The following BDNF variants were observed in gnomAD, a reference collection of about 807,000 sequenced individuals.
The protein encoded by BDNF is neurotrophic factor BDNF precursor form.
A neutral mutation model predicts 19.5 loss-of-function variants in BDNF; 1 was observed. That is an observed-to-expected ratio of 0.05 (90% CI 0.02 to 0.24). BDNF has a LOEUF of 0.24. Among genes scored for constraint, BDNF ranks in the 10% least tolerant of loss-of-function variants. The pLI, the probability that BDNF is intolerant of heterozygous loss-of-function variation, is 1.00. For synonymous variants in BDNF, 100 were observed against 121.6 expected (o/e 0.82, Z 1.17); for missense variants, 195 against 317.6 (o/e 0.61, Z 2.93).
intron 1 of BDNF, chr11:27,699,608 A>C: frequency 6.8e-7 from 1 of 1,466,918 alleles, no homozygotes; most frequent in South Asian, 1.4e-5. Context: ...TCCAAGCTAC[A>C]TTGGCTTCGG....
At chr11:27,680,567 G>T (rs1478575500) in intron 1 of BDNF, among the ~76,000 whole-genome samples, 1 of 152,142 alleles carries the variant, frequency 6.6e-6, no homozygotes, top group Non-Finnish European at 1.5e-5. Flanking sequence ...TCTTTTCCAT[G>T]AGGGAAAAAC....
upstream of BDNF, among the ~76,000 whole-genome samples, chr11:27,702,708 T>G (rs565494977): frequency 3.3e-5 from 5 of 152,308 alleles, 1 homozygote; most frequent in South Asian, 1.0e-3. Flanking sequence ...GTTAGCAAAA[T>G]GAATTCACTA....
intron 1 of BDNF, chr11:27,660,220 C>T (rs1853235723): frequency 8.1e-7 from 1 of 1,236,074 alleles, no homozygotes; most frequent in Non-Finnish European, 1.0e-6. Flanking sequence ...CAAATGTTCT[C>T]CACTTTTGTA....
intron 1 of BDNF, among the ~76,000 whole-genome samples, chr11:27,678,897 A>G (rs947094200): frequency 1.3e-5 from 2 of 152,168 alleles, no homozygotes; most frequent in Non-Finnish European, 2.9e-5. Context: ...GTATCACAAC[A>G]TTAAACTAAG....
chr11:27,710,849 C>T (rs183267999), intron 1 of BDNF, among the ~76,000 whole-genome samples: 1 of 152,302 alleles, frequency 6.6e-6, no homozygotes. Context: ...CAGAAGTCAA[C>T]TAACTTGGAA....
chr11:27,673,574 A>G (rs751156546), intron 1 of BDNF, among the ~76,000 whole-genome samples: 8 of 152,118 alleles, frequency 5.3e-5, no homozygotes, highest in South Asian at 2.1e-4. Context: ...GAGAGCCAAC[A>G]CCCCACTAGA....
chr11:27,671,335 T>C (rs1306802594), intron 1 of BDNF, among the ~76,000 whole-genome samples: 4 of 151,662 alleles, frequency 2.6e-5, no homozygotes, highest in African/African-American at 4.8e-5. Context: ...GGAGAAATTA[T>C]CAAGTAAGCA....
At position 27,657,581 on chromosome 11, in the gene BDNF, CACA is replaced by C. The variant is rs1042597102; in HGVS notation, c.*237_*239del. On this transcript the variant is annotated 3_prime_UTR_variant, in exon 2 of 2. Transcript: ENST00000356660. This position sits in a 1 kb window ranked among gnomAD's most constrained non-coding sequence, Gnocchi z 5.0. The stretch of plus-strand genomic sequence containing the variant: ...TCAGTTCTTGGCAACGGCAACAAAC[CACA>C]ACATTATCAAGGAATGTAATGCAGA... 2 of 1,285,940 alleles carry C rather than the reference CACA, an allele frequency of 1.6e-6. No individual in the cohort carries two copies. The highest frequency in any genetic ancestry group is 3.0e-5 in the African/African-American group (2 of 66,812). The allele number at this position is 1,285,940 out of a possible 1,614,324, so 79.7% of individuals were successfully genotyped here.
At chr11:27,694,507 G>A (rs1459931045) in intron 1 of BDNF, among the ~76,000 whole-genome samples, 3 of 151,464 alleles carry the variant, frequency 2.0e-5, no homozygotes, top group African/African-American at 7.3e-5. Flanking sequence ...GTGGGCGCAT[G>A]CAAAAATGAA....
At chr11:27,715,538 G>A (rs996730193) in intron 1 of BDNF, among the ~76,000 whole-genome samples, 1 of 152,130 alleles carries the variant, frequency 6.6e-6, no homozygotes, top group African/African-American at 2.4e-5. Context: ...ACTGTCTTAG[G>A]AAGACTAGTT....
chr11:27,658,019 G>A lies in BDNF; in HGVS notation c.546C>T (p.Tyr182=), dbSNP rs74975314. Reference sequence around the variant, plus strand: ...AACCCATGGGATTGCACTTGGTCTCGTAGAAGTATTGCTTCAGTTGGCCTT... The same window carrying A: ...AACCCATGGGATTGCACTTGGTCTCATAGAAGTATTGCTTCAGTTGGCCTT... ...VSKGQLKQYF[Y]ETKCNPMGYT... is the part of the protein sequence containing the mutation. Residue 182 remains tyrosine, a synonymous_variant, in exon 2 of 2, where the codon TAC becomes TAT. Coordinates refer to ENST00000356660, the MANE Select transcript of BDNF (RefSeq NM_001709.5). This position sits in a 1 kb window ranked among gnomAD's most constrained non-coding sequence, Gnocchi z 5.7. 1.1e-4 allele frequency: 181 copies of A among 1,614,104 alleles called. No homozygotes were observed. The Admixed American group carries it at 2.1e-3, about 19-fold the overall frequency.
At position 27,657,123 on chromosome 11, in the gene BDNF, T is replaced by G; in HGVS notation, c.*698A>C. ...TTAATTTTTATTCACTTTCTAGTCA[T>G]CTGATCGATATTGCAAACATCTTCA... is the stretch of plus-strand genomic sequence containing the variant. On this transcript the variant is annotated 3_prime_UTR_variant, in exon 2 of 2. Transcript: ENST00000356660. This position sits in a 1 kb window ranked among gnomAD's most constrained non-coding sequence, Gnocchi z 5.0. 1 of 984,558 alleles carries G rather than the reference T, an allele frequency of 1.0e-6. No individual in the cohort carries two copies. Among genetic ancestry groups the G allele is most frequent in the South Asian group, 4.7e-5 (1 of 21,258 alleles). 61.0% of individuals were successfully genotyped at this position (984,558 alleles called of 1,614,324 possible).
At chr11:27,670,547 TAAAC>T (rs1855184332) in intron 1 of BDNF, among the ~76,000 whole-genome samples, 2 of 152,140 alleles carry the variant, frequency 1.3e-5, no homozygotes, top group African/African-American at 4.8e-5. Flanking sequence ...TAAAAGAACT[TAAAC>T]AAATTTACAA....
chr11:27,692,044 A>G (rs548740219), intron 1 of BDNF, among the ~76,000 whole-genome samples: 71 of 152,306 alleles, frequency 4.7e-4, no homozygotes, highest in Non-Finnish European at 9.7e-4. Context: ...AAAATAGCCA[A>G]TTTTGAGAAT....
chr11:27,720,529 C>G (rs1378998662), intron 1 of BDNF: 2 of 985,710 alleles, frequency 2.0e-6, no homozygotes, highest in East Asian at 1.1e-4. Flanking sequence ...CCAAACGCTC[C>G]GCTCCAAAAT....
intron 1 of BDNF, among the ~76,000 whole-genome samples, chr11:27,686,491 T>C (rs1160084155): frequency 2.0e-5 from 3 of 152,120 alleles, no homozygotes; most frequent in Non-Finnish European, 4.4e-5. Context: ...TCTTCATAGT[T>C]TCAATGGTCT....
chr11:27,682,562 T>G (rs1240273959), intron 1 of BDNF, among the ~76,000 whole-genome samples: 1 of 151,948 alleles, frequency 6.6e-6, no homozygotes, highest in Non-Finnish European at 1.5e-5. Flanking sequence ...TCCCCTAGCC[T>G]CCTACACCCT....
Position 27,721,286 on chromosome 11 carries a change from G to T in BDNF, c.3+126C>A. On this transcript the variant is annotated intron_variant, in intron 1 of 1. Coordinates refer to the BDNF transcript ENST00000314915. ...TTAAAGTTGCACTGTGTAAAAACCC[G>T]ATTCCCCTGGCCTGAGTAGCTGCTG... 3.5e-6 allele frequency: 4 copies of T among 1,130,310 alleles called. No individual in the cohort carries two copies. In the South Asian group the frequency reaches 3.7e-5, roughly 10 times the overall value. The allele number at this position is 1,130,310 out of a possible 1,614,324, so 70.0% of individuals were successfully genotyped here.
chr11:27,679,803 A>G (rs1316396210), intron 1 of BDNF, among the ~76,000 whole-genome samples: 1 of 152,240 alleles, frequency 6.6e-6, no homozygotes, highest in Non-Finnish European at 1.5e-5. Context: ...TTCCTGTTTC[A>G]CCAGCAGAGC....
Sources: gnomAD v4.1 joint callset for allele counts (sites outside exome capture counted in the v4.1 genomes callset) on GRCh38, gnomAD v4.1.1 for gene constraint, Gnocchi (gnomAD v3.1) non-coding constraint, MANE v1.5 for transcripts, NCBI Gene and HGNC (gene_info 2026-07-23, HGNC 2026-07-21) for gene names.